Variants in EYA4 observed in about 807,000 individuals in gnomAD.
EYA4 encodes the protein EYA transcriptional coactivator and phosphatase 4.
EYA4 carries 31 observed loss-of-function variants against 87.9 expected under a neutral mutation model. The ratio of observed to expected loss-of-function variants is 0.35; its 90% CI spans 0.27 to 0.48. The LOEUF (loss-of-function observed/expected upper bound fraction) is 0.48, where lower values mean the gene tolerates loss of function less well. Ranked by LOEUF, EYA4 falls within the 20% of genes least tolerant of loss-of-function variation. EYA4 has a pLI of 0.99. For missense variants in EYA4, 678 were observed against 761.4 expected (o/e 0.89, Z 1.29); for synonymous variants, 263 against 270.6 (o/e 0.97, Z 0.28).
intron 2 of EYA4, among the ~76,000 whole-genome samples, chr6:133,340,634 T>C (rs1361740169): frequency 1.3e-5 from 2 of 152,180 alleles, no homozygotes; most frequent in East Asian, 3.9e-4. Flanking sequence ...AGAACTGTGC[T>C]TGAGAACAGA....
At chr6:133,401,475 G>A (rs1281199816) in intron 3 of EYA4, among the ~76,000 whole-genome samples, 1 of 152,090 alleles carries the variant, frequency 6.6e-6, no homozygotes, top group African/African-American at 2.4e-5. Context: ...TTGATTATAT[G>A]AATGTATCAA....
intron 1 of EYA4, among the ~76,000 whole-genome samples, chr6:133,249,500 C>G (rs1036292080): frequency 6.6e-6 from 1 of 152,104 alleles, no homozygotes; most frequent in African/African-American, 2.4e-5. Flanking sequence ...AGGGCAAATT[C>G]CAAAATTCTC....
intron 5 of EYA4, 34 bp from the exon 6 acceptor site, chr6:133,456,522 A>G: frequency 7.2e-7 from 1 of 1,395,494 alleles, no homozygotes; most frequent in Non-Finnish European, 1.0e-6. Context: ...TAAATTTAGA[A>G]GTAAAACTCA....
At chr6:133,408,159 C>A (rs1056668823) in intron 3 of EYA4, among the ~76,000 whole-genome samples, 1 of 152,172 alleles carries the variant, frequency 6.6e-6, no homozygotes, top group Non-Finnish European at 1.5e-5. Context: ...ACACATCAAT[C>A]ATTTTACATT....
intron 2 of EYA4, among the ~76,000 whole-genome samples, chr6:133,334,042 T>A (rs930313918): frequency 6.6e-6 from 1 of 152,150 alleles, no homozygotes. Flanking sequence ...GACCACTTAG[T>A]GTAATTAAAA....
intron 11 of EYA4, among the ~76,000 whole-genome samples, chr6:133,477,276 C>T (rs1388548396): frequency 6.6e-6 from 1 of 152,098 alleles, no homozygotes; most frequent in Non-Finnish European, 1.5e-5. Context: ...GTCTCCTACA[C>T]TTGTTATTTT....
intron 2 of EYA4, among the ~76,000 whole-genome samples, chr6:133,322,405 G>T (rs983348495): frequency 6.6e-6 from 1 of 152,110 alleles, no homozygotes; most frequent in African/African-American, 2.4e-5. Context: ...ATGCTACCTA[G>T]AGTTACAAGA....
intron 3 of EYA4, among the ~76,000 whole-genome samples, chr6:133,400,873 A>G (rs1223293447): frequency 6.6e-6 from 1 of 152,056 alleles, no homozygotes; most frequent in Admixed American, 6.6e-5. Context: ...ACTTTTTTGC[A>G]TAACAGTGGA....
intron 13 of EYA4, among the ~76,000 whole-genome samples, chr6:133,485,998 C>G (rs1277974310): frequency 6.6e-6 from 1 of 152,212 alleles, no homozygotes; most frequent in African/African-American, 2.4e-5. Flanking sequence ...AGCATTCTGA[C>G]TCTGGCAAAT....
At position 133,356,271 on chromosome 6, in the gene EYA4, A is replaced by G. The variant is rs534118403; in HGVS notation, c.34-26121A>G. Among the ~76,000 whole-genome samples, 3 of 152,314 alleles carry G rather than the reference A, an allele frequency of 2.0e-5. No individual in the cohort carries two copies. The East Asian group carries it at 5.8e-4, about 29-fold the overall frequency. On this transcript the variant is annotated intron_variant, in intron 2 of 19. Transcript: ENST00000355286. ...GGGCAATGCAGACATTCAGCCCATAACGAACATCATCAGTTTAGTATCACC... is the reference window on the plus strand; with the variant it reads ...GGGCAATGCAGACATTCAGCCCATAGCGAACATCATCAGTTTAGTATCACC...
intron 3 of EYA4, among the ~76,000 whole-genome samples, chr6:133,414,298 GA>G (rs1333471510): frequency 3.3e-5 from 5 of 151,354 alleles, no homozygotes; most frequent in Non-Finnish European, 3.0e-5. Context: ...TTTAGATTTC[GA>G]AAAAAAAGGT....
At chr6:133,343,399 C>A (rs1782945783) in intron 2 of EYA4, among the ~76,000 whole-genome samples, 1 of 152,164 alleles carries the variant, frequency 6.6e-6, no homozygotes, top group Non-Finnish European at 1.5e-5. Context: ...CTTTCTCTTG[C>A]TCCACTTTGG....
intron 2 of EYA4, among the ~76,000 whole-genome samples, chr6:133,361,478 A>G (rs1244996160): frequency 6.6e-6 from 1 of 152,134 alleles, no homozygotes; most frequent in African/African-American, 2.4e-5. Context: ...AATAAGTCTC[A>G]TTATTGTGAG....
intron 7 of EYA4, 71 bp from the exon 8 acceptor site, chr6:133,462,264 A>C: frequency 6.7e-7 from 1 of 1,502,162 alleles, no homozygotes; most frequent in Non-Finnish European, 9.3e-7. Context: ...ATAGGGTTTC[A>C]CTGAATCTAG....
At chr6:133,286,195 A>G (rs979733553) in intron 2 of EYA4, among the ~76,000 whole-genome samples, 2 of 152,180 alleles carry the variant, frequency 1.3e-5, no homozygotes, top group Non-Finnish European at 1.5e-5. Flanking sequence ...CCAGTTATGA[A>G]GAACGCTGGA....
chr6:133,476,070 C>T (rs9373056), intron 11 of EYA4, among the ~76,000 whole-genome samples: 57,717 of 151,890 alleles, frequency 0.38, 11,960 homozygotes, highest in African/African-American at 0.55. Flanking sequence ...GATGGGCACC[C>T]GTAATCTCAG....
At chr6:133,473,652 A>G (rs1795469662) in intron 11 of EYA4, among the ~76,000 whole-genome samples, 1 of 151,708 alleles carries the variant, frequency 6.6e-6, no homozygotes, top group Non-Finnish European at 1.5e-5. Context: ...TTTTCCCCTT[A>G]TCTTCCTTTT....
chr6:133,242,058 G>T (rs1275666227), intron 1 of EYA4, among the ~76,000 whole-genome samples: 1 of 152,250 alleles, frequency 6.6e-6, no homozygotes, highest in African/African-American at 2.4e-5. Context: ...CGCGGAGCCT[G>T]CGCGTAACGG....
intron 3 of EYA4, among the ~76,000 whole-genome samples, chr6:133,407,834 A>G (rs1256589927): frequency 6.6e-6 from 1 of 152,178 alleles, no homozygotes; most frequent in Non-Finnish European, 1.5e-5. Context: ...AAATTCCTAG[A>G]CCACTATCTG....
Sources: gnomAD v4.1 joint callset for allele counts (sites outside exome capture counted in the v4.1 genomes callset) on GRCh38, gnomAD v4.1.1 for gene constraint, MANE v1.5 for transcripts, NCBI Gene and HGNC (gene_info 2026-07-23, HGNC 2026-07-21) for gene names.